The following TGIF2 variants were observed in gnomAD, a reference collection of about 807,000 sequenced individuals.
The protein encoded by TGIF2 is TGFB induced factor homeobox 2.
Under a neutral mutation model 15.1 loss-of-function variants are expected in TGIF2, and 5 were observed. That is an observed-to-expected ratio of 0.33 (90% CI 0.17 to 0.70). The LOEUF is 0.70. Among genes scored for constraint, TGIF2 ranks in the 30% least tolerant of loss-of-function variants. TGIF2 has a pLI of 0.67. For synonymous variants in TGIF2, 131 were observed against 128.9 expected (o/e 1.02, Z -0.11); for missense variants, 264 against 302.5 (o/e 0.87, Z 0.94).
chr20:36,574,121 C>A (rs1330649521), intron 1 of TGIF2, among the ~76,000 whole-genome samples: 1 of 149,916 alleles, frequency 6.7e-6, no homozygotes, highest in Non-Finnish European at 1.5e-5. Context: ...GCCAGCAGGG[C>A]CCCCCCGCCG....
chr20:36,580,283 G>A (rs1171288515), intron 2 of TGIF2, among the ~76,000 whole-genome samples: 1 of 152,120 alleles, frequency 6.6e-6, no homozygotes, highest in Admixed American at 6.6e-5. Flanking sequence ...TTAGCCCTCA[G>A]AACTCCTGTC....
chr20:36,593,491 T>G lies in TGIF2; in HGVS notation c.*2060T>G, dbSNP rs2038801568. 6.6e-6 allele frequency: 1 copy of G among 152,592 alleles called. No homozygotes were observed. Among genetic ancestry groups the G allele is most frequent in the Non-Finnish European group, 1.5e-5 (1 of 68,216 alleles). 9.5% of individuals were successfully genotyped at this position (152,592 alleles called of 1,614,324 possible). On this transcript the variant is annotated 3_prime_UTR_variant, in exon 3 of 3. Transcript: ENST00000373872. ...GCCTCCCTCTGGCTTCTTCCTCCCG[T>G]GCCCTCTCCCCGTGTGCCCCAGGGG...
intron 1 of TGIF2, among the ~76,000 whole-genome samples, chr20:36,578,244 T>C (rs1177481487): frequency 6.6e-6 from 1 of 151,488 alleles, no homozygotes; most frequent in Admixed American, 6.6e-5. Flanking sequence ...AAACCCTGTG[T>C]CTACCAAAAA....
chr20:36,593,242 A>T lies in TGIF2; in HGVS notation c.*1811A>T, dbSNP rs1355533934. ...TCCTGAAATCACCAGGTCAGGCACA[A>T]GGAGAAAAGGTTCCTGGATACTGAC... On this transcript the variant is annotated 3_prime_UTR_variant, in exon 3 of 3. Coordinates refer to ENST00000373872, the MANE Select transcript of TGIF2 (RefSeq NM_021809.7). The T allele has an allele frequency of 6.7e-6, 1 of 149,150 alleles. No individual in the cohort carries two copies. Among genetic ancestry groups the T allele is most frequent in the Non-Finnish European group, 1.5e-5 (1 of 67,570 alleles). 9.2% of individuals were successfully genotyped at this position (149,150 alleles called of 1,614,324 possible).
At chr20:36,582,773 C>T (rs911184133) in intron 2 of TGIF2, among the ~76,000 whole-genome samples, 6 of 152,220 alleles carry the variant, frequency 3.9e-5, no homozygotes, top group African/African-American at 1.4e-4. Flanking sequence ...ACCCAGCCCT[C>T]CTTGATGGAA....
chr20:36,575,461 C>A (rs6015973), intron 1 of TGIF2, among the ~76,000 whole-genome samples: 3,849 of 152,256 alleles, frequency 0.025, 168 homozygotes, highest in African/African-American at 0.088. Context: ...TTCTCACAGC[C>A]GGCCAGGGCT....
intron 2 of TGIF2, among the ~76,000 whole-genome samples, chr20:36,583,467 A>G (rs893942906): frequency 1.7e-4 from 26 of 151,514 alleles, no homozygotes; most frequent in Non-Finnish European, 2.4e-4. Context: ...CTAAAAAGAA[A>G]AAAAAAAAAA....
intron 2 of TGIF2, among the ~76,000 whole-genome samples, chr20:36,589,464 C>T (rs1295982023): frequency 2.0e-5 from 3 of 151,814 alleles, no homozygotes; most frequent in African/African-American, 7.3e-5. Flanking sequence ...GTGGTCATGG[C>T]TCACTGCAAC....
At chr20:36,573,561 C>T (rs1466711170), upstream of TGIF2, 1 of 150,594 alleles carries the variant, frequency 6.6e-6, no homozygotes, top group Non-Finnish European at 1.5e-5. Flanking sequence ...GGGGAGGGCG[C>T]AGAGGGCGCG....
intron 2 of TGIF2, among the ~76,000 whole-genome samples, chr20:36,590,587 C>A (rs1036232417): frequency 2.0e-5 from 3 of 152,212 alleles, no homozygotes; most frequent in East Asian, 3.9e-4. Flanking sequence ...TGTTTTGAAA[C>A]AGTATCTTGT....
intron 2 of TGIF2, among the ~76,000 whole-genome samples, chr20:36,584,553 T>A (rs2038613467): frequency 7.3e-6 from 1 of 137,250 alleles, no homozygotes; most frequent in African/African-American, 2.7e-5. Flanking sequence ...TATTAATTAA[T>A]TTTTTTTTTT....
At chr20:36,577,930 A>G (rs968443248) in intron 1 of TGIF2, among the ~76,000 whole-genome samples, 6 of 152,124 alleles carry the variant, frequency 3.9e-5, no homozygotes, top group African/African-American at 1.4e-4. Flanking sequence ...TCAGTCCCAC[A>G]AGTAGGTGGG....
At chr20:36,585,034 TA>T (rs2147932309) in intron 2 of TGIF2, among the ~76,000 whole-genome samples, 1 of 151,884 alleles carries the variant, frequency 6.6e-6, no homozygotes, top group South Asian at 2.1e-4. Flanking sequence ...CCATCTCTAC[TA>T]AAAAATAGAC....
At chr20:36,576,556 C>T (rs1198437843) in intron 1 of TGIF2, among the ~76,000 whole-genome samples, 3 of 152,032 alleles carry the variant, frequency 2.0e-5, no homozygotes, top group African/African-American at 4.8e-5. Context: ...GGTCCAAATC[C>T]GACTTCACTA....
At chr20:36,590,768 A>C (rs1353015286) in intron 2 of TGIF2, 142 bp from the exon 3 acceptor site, 3 of 839,934 alleles carry the variant, frequency 3.6e-6, no homozygotes, top group Non-Finnish European at 3.5e-6. Context: ...TGTGTTGCCC[A>C]GGCTGGTCTT....
At chr20:36,579,241 G>A (rs547300745) in intron 2 of TGIF2, among the ~76,000 whole-genome samples, 15 of 152,122 alleles carry the variant, frequency 9.9e-5, no homozygotes, top group African/African-American at 2.9e-4. Flanking sequence ...ATGCGATCTC[G>A]GCTCACTGCA....
At chr20:36,581,210 G>C (rs752055057) in intron 2 of TGIF2, among the ~76,000 whole-genome samples, 18 of 152,294 alleles carry the variant, frequency 1.2e-4, no homozygotes, top group Middle Eastern at 6.8e-3. Context: ...AAGGCACAAA[G>C]TCTTTGGCTG....
At chr20:36,588,664 G>C (rs1388423804) in intron 2 of TGIF2, among the ~76,000 whole-genome samples, 2 of 152,186 alleles carry the variant, frequency 1.3e-5, no homozygotes, top group Admixed American at 6.5e-5. Context: ...CCCAGAGCCA[G>C]GGCCCCTCCT....
rs553023430 is a variant in TGIF2, at chr20:36,586,873, G to A, written c.193-4037G>A. Among the ~76,000 whole-genome samples the A allele has an allele frequency of 5.9e-5, 9 of 152,274 alleles. No individual in the cohort carries two copies. The South Asian group carries it at 1.7e-3, about 28-fold the overall frequency. On this transcript the variant is annotated intron_variant, in intron 2 of 2. Transcript: ENST00000373872. ...AGAGGGTTTCTGCCTGCATTCATTA[G>A]CTGCTGCTCCCAGCATCACAGCCTT... is the stretch of plus-strand genomic sequence containing the variant.
Sources: allele counts gnomAD v4.1 joint callset (sites outside exome capture counted in the v4.1 genomes callset), GRCh38; gene constraint gnomAD v4.1.1; transcripts MANE v1.5; gene names NCBI Gene and HGNC (gene_info 2026-07-23, HGNC 2026-07-21).